The following NMT1 variants were observed in gnomAD, a reference collection of about 807,000 sequenced individuals.
NMT1 encodes the protein N-myristoyltransferase 1, also known as glycylpeptide N-tetradecanoyltransferase 1.
In NMT1, 12 loss-of-function variants were observed where a neutral mutation model predicts 63.4. That is an observed-to-expected ratio of 0.19 (90% CI 0.12 to 0.31). The LOEUF is 0.31. Ranked by LOEUF, NMT1 falls within the 10% of genes least tolerant of loss-of-function variation. The pLI is 1.00. For missense variants in NMT1, 432 were observed against 634.6 expected (o/e 0.68, Z 3.43); for synonymous variants, 228 against 234.3 (o/e 0.97, Z 0.25).
At chr17:45,066,515 A>C (rs2053903726) in intron 1 of NMT1, among the ~76,000 whole-genome samples, 1 of 151,572 alleles carries the variant, frequency 6.6e-6, no homozygotes, top group South Asian at 2.1e-4. Context: ...GCACTTTGGG[A>C]GGCTGAGGCA....
At position 45,104,184 on chromosome 17, in the gene NMT1, G is replaced by A; in HGVS notation, c.1332+308G>A. On this transcript the variant is annotated intron_variant, in intron 10 of 11. Transcript: ENST00000258960. The surrounding 1 kb of genome is among the most constrained non-coding windows in gnomAD (Gnocchi z 4.2). ...TGGGAGGACAGGGCTTCTCCTCACA[G>A]CTTTCCCAGCGTGGGAAAGGGGTGA... The A allele has an allele frequency of 3.9e-6, 5 of 1,278,180 alleles. No individual in the cohort carries two copies. Among genetic ancestry groups the A allele is most frequent in the South Asian group, 1.5e-5 (1 of 65,430 alleles). The allele number at this position is 1,278,180 out of a possible 1,614,324, so 79.2% of individuals were successfully genotyped here.
intron 1 of NMT1, among the ~76,000 whole-genome samples, chr17:45,072,246 T>G (rs549953787): frequency 1.5e-3 from 216 of 146,408 alleles, no homozygotes; most frequent in Admixed American, 4.2e-3. Flanking sequence ...AGTAAGAAAC[T>G]GTCTTTACAA....
intron 1 of NMT1, among the ~76,000 whole-genome samples, chr17:45,063,173 C>G (rs1326789548): frequency 4.9e-5 from 7 of 142,172 alleles, no homozygotes; most frequent in African/African-American, 1.6e-4. Context: ...CCACTGCACT[C>G]CAGCCTGGGC....
chr17:45,103,641 C>A lies in NMT1; in HGVS notation c.1165-68C>A. Reference sequence around the variant, plus strand: ...CTGCCTGAAGGTGGAGTGAGAGAAACATTTTGTTCCCGGGCCGCAGTGCCA... The same window carrying A: ...CTGCCTGAAGGTGGAGTGAGAGAAAAATTTTGTTCCCGGGCCGCAGTGCCA... On this transcript the variant is annotated intron_variant, in intron 9 of 11. Coordinates refer to ENST00000258960, the MANE Select transcript of NMT1 (RefSeq NM_021079.5). The surrounding 1 kb of genome is among the most constrained non-coding windows in gnomAD (Gnocchi z 4.8). The A allele has an allele frequency of 6.7e-7, 1 of 1,492,152 alleles. No homozygotes were observed. The highest frequency in any genetic ancestry group is 9.1e-7 in the Non-Finnish European group (1 of 1,098,716). 92.4% of individuals were successfully genotyped at this position (1,492,152 alleles called of 1,614,324 possible). A position where few individuals can be genotyped will look rare whatever the true frequency, so the allele number is the denominator to read the frequency against.
chr17:45,061,446 C>T lies in NMT1; in HGVS notation c.117C>T (p.Asn39=). ...HCSDCENEED[N]SYNRGGLSPA... ...GCGATTGCGAGAATGAGGAGGACAA[C>T]AGCTACAACCGGGGGTAACGAAATC... The change falls in exon 1 of 12, where the codon AAC becomes AAT. Residue 39 remains asparagine, a synonymous_variant. Transcript: ENST00000258960. 1 of 1,613,340 alleles carries T rather than the reference C, an allele frequency of 6.2e-7. No individual in the cohort carries two copies. Among genetic ancestry groups the T allele is most frequent in the African/African-American group, 1.3e-5 (1 of 75,036 alleles).
At chr17:45,067,684 CT>C (rs1432163530) in intron 1 of NMT1, among the ~76,000 whole-genome samples, 1 of 151,820 alleles carries the variant, frequency 6.6e-6, no homozygotes, top group Non-Finnish European at 1.5e-5. Flanking sequence ...CTCCCTTCAA[CT>C]TTTGGTTTTT....
chr17:45,069,526 C>T (rs895418664), intron 1 of NMT1, among the ~76,000 whole-genome samples: 6 of 151,934 alleles, frequency 3.9e-5, no homozygotes, highest in East Asian at 1.9e-4. Context: ...CTCCTAATCT[C>T]GTGATCTGCC....
chr17:45,061,587 T>G, intron 1 of NMT1, 127 bp downstream of exon 1: 1 of 808,822 alleles, frequency 1.2e-6, no homozygotes, highest in Non-Finnish European at 1.9e-6. Flanking sequence ...GTCACTAGGA[T>G]TCTGCCTGGC....
At chr17:45,102,069 C>T (rs2054169933) in intron 8 of NMT1, among the ~76,000 whole-genome samples, 1 of 152,178 alleles carries the variant, frequency 6.6e-6, no homozygotes, top group Non-Finnish European at 1.5e-5. Flanking sequence ...TGGGAGCTGC[C>T]ATGTAGAATG....
At chr17:45,101,694 A>ATCAGTGCAC (rs949141860) in intron 8 of NMT1, among the ~76,000 whole-genome samples, 1 of 151,082 alleles carries the variant, frequency 6.6e-6, no homozygotes, top group Non-Finnish European at 1.5e-5. Context: ...CCTATTGGTC[A>ATCAGTGCAC]TCAGTGCACA....
At chr17:45,063,960 G>T (rs1251228418) in intron 1 of NMT1, among the ~76,000 whole-genome samples, 3 of 152,042 alleles carry the variant, frequency 2.0e-5, no homozygotes, top group African/African-American at 7.2e-5. Context: ...GCCGAGGCGG[G>T]TGGATCACGA....
Position 45,103,168 on chromosome 17 carries a change from G to A in NMT1, c.1164+47G>A. On this transcript the variant is annotated intron_variant, in intron 9 of 11. Transcript: ENST00000258960. The surrounding 1 kb of genome is among the most constrained non-coding windows in gnomAD (Gnocchi z 4.8). ...CAGGTCTCTAACACGTTCCCAGAGA[G>A]GCACCCCCCTGAGTGGCCGGGTTCC... The A allele has an allele frequency of 6.4e-7, 1 of 1,567,206 alleles. No homozygotes were observed. The highest frequency in any genetic ancestry group is 8.7e-7 in the Non-Finnish European group (1 of 1,146,266).
intron 1 of NMT1, among the ~76,000 whole-genome samples, chr17:45,072,854 TG>T (rs2053952303): frequency 6.6e-6 from 1 of 151,938 alleles, no homozygotes; most frequent in Non-Finnish European, 1.5e-5. Flanking sequence ...CCACCGCGCC[TG>T]GCCTATTTTT....
intron 1 of NMT1, chr17:45,071,632 A>G (rs1281720231): frequency 1.3e-5 from 2 of 152,160 alleles, no homozygotes; most frequent in African/African-American, 2.4e-5. Flanking sequence ...TTATTTCCCA[A>G]ACTTTTTTTT....
chr17:45,064,311 C>T (rs1033125487), intron 1 of NMT1, among the ~76,000 whole-genome samples: 1 of 152,094 alleles, frequency 6.6e-6, no homozygotes, highest in African/African-American at 2.4e-5. Context: ...TGTTTATTAG[C>T]GTCCCAAATC....
intron 1 of NMT1, among the ~76,000 whole-genome samples, chr17:45,070,177 G>T (rs186316525): frequency 2.6e-5 from 4 of 152,260 alleles, no homozygotes; most frequent in African/African-American, 9.6e-5. Flanking sequence ...AGGGCCGAGG[G>T]TGGCAGCAAA....
intron 2 of NMT1, among the ~76,000 whole-genome samples, chr17:45,085,977 A>G (rs953321575): frequency 6.6e-6 from 1 of 151,452 alleles, no homozygotes; most frequent in African/African-American, 2.4e-5. Context: ...ACACGCCGCC[A>G]TGCCTGGCTA....
intron 1 of NMT1, among the ~76,000 whole-genome samples, chr17:45,075,663 C>T (rs965499246): frequency 6.6e-5 from 10 of 151,820 alleles, no homozygotes; most frequent in Non-Finnish European, 1.5e-4. Context: ...CCCAGCTACT[C>T]AGGAGGCTGA....
intron 1 of NMT1, among the ~76,000 whole-genome samples, chr17:45,062,411 G>C (rs908777973): frequency 6.6e-6 from 1 of 152,200 alleles, no homozygotes; most frequent in Non-Finnish European, 1.5e-5. Context: ...AAAGTCGTGA[G>C]AGATTTTTGG....
Sources: gnomAD v4.1 joint callset for allele counts (sites outside exome capture counted in the v4.1 genomes callset) on GRCh38, gnomAD v4.1.1 for gene constraint, Gnocchi (gnomAD v3.1) non-coding constraint, MANE v1.5 for transcripts, NCBI Gene and HGNC (gene_info 2026-07-23, HGNC 2026-07-21) for gene names.